The following LINGO2 variants were observed in gnomAD, a reference collection of about 807,000 sequenced individuals.
LINGO2 encodes leucine-rich repeat and immunoglobulin-like domain-containing nogo receptor-interacting protein 2.
Under a neutral mutation model 30.6 loss-of-function variants are expected in LINGO2, and 14 were observed. The observed-to-expected ratio is 0.46, with a 90% CI of 0.30 to 0.72. LINGO2 has a LOEUF of 0.72. Among genes scored for constraint, LINGO2 ranks in the 30% least tolerant of loss-of-function variants. LINGO2 has a pLI of 0.07. For synonymous variants in LINGO2, 317 were observed against 288.5 expected, an observed-to-expected ratio of 1.10 and a Z score of -1.00; for missense variants, 729 against 751.7, an observed-to-expected ratio of 0.97 and a Z score of 0.35.
chr9:29,118,606 G>A, the LINGO2 span, among the ~76,000 whole-genome samples: 1 of 152,134 alleles, frequency 6.6e-6, no homozygotes, highest in African/African-American at 2.4e-5. Context: ...CCAAGGCCTG[G>A]CGGTGGGCTC....
At chr9:28,093,970 A>T (rs1826172951) in intron 4 of LINGO2, among the ~76,000 whole-genome samples, 1 of 152,120 alleles carries the variant, frequency 6.6e-6, no homozygotes, top group African/African-American at 2.4e-5. Context: ...ATTTATTACA[A>T]ATTCTGAATC....
the LINGO2 span, among the ~76,000 whole-genome samples, chr9:29,150,064 T>G: frequency 6.6e-6 from 1 of 152,180 alleles, no homozygotes; most frequent in East Asian, 1.9e-4. Flanking sequence ...ATGAACATTC[T>G]GAAATACAAA....
the LINGO2 span, among the ~76,000 whole-genome samples, chr9:28,965,054 A>C: frequency 6.6e-6 from 1 of 151,948 alleles, no homozygotes; most frequent in Non-Finnish European, 1.5e-5. Context: ...AATAATCCAA[A>C]TAATCTGTCT....
the LINGO2 span, among the ~76,000 whole-genome samples, chr9:29,101,418 T>G: frequency 6.6e-6 from 1 of 152,328 alleles, no homozygotes; most frequent in South Asian, 2.1e-4. Context: ...CAGAGAATTA[T>G]TCAACAAAAT....
At chr9:28,154,725 GT>G in intron 4 of LINGO2, among the ~76,000 whole-genome samples, 1 of 152,236 alleles carries the variant, frequency 6.6e-6, no homozygotes, top group African/African-American at 2.4e-5. Context: ...TTCAATATGT[GT>G]TGCAACTACG....
chr9:29,169,047 A>T, the LINGO2 span, among the ~76,000 whole-genome samples: 1 of 152,140 alleles, frequency 6.6e-6, no homozygotes, highest in African/African-American at 2.4e-5. Flanking sequence ...TCCCAGGTTT[A>T]AGTGATTCTC....
At chr9:29,197,929 T>C in the LINGO2 span, among the ~76,000 whole-genome samples, 2 of 152,132 alleles carry the variant, frequency 1.3e-5, no homozygotes, top group Non-Finnish European at 2.9e-5. Flanking sequence ...TGAAGGAACA[T>C]GAAATAGCTT....
chr9:28,547,807 T>C (rs1171396653), intron 1 of LINGO2, among the ~76,000 whole-genome samples: 1 of 151,918 alleles, frequency 6.6e-6, no homozygotes, highest in Non-Finnish European at 1.5e-5. Context: ...ATATACAGAG[T>C]GAATGGTGAA....
At chr9:28,237,124 G>T (rs911878562) in intron 4 of LINGO2, among the ~76,000 whole-genome samples, 10 of 132,054 alleles carry the variant, frequency 7.6e-5, no homozygotes, top group South Asian at 5.2e-4. Context: ...GTGCGGGGGG[G>T]GGGTAAAGTT....
the LINGO2 span, among the ~76,000 whole-genome samples, chr9:29,079,247 A>G: frequency 3.3e-5 from 5 of 152,004 alleles, no homozygotes; most frequent in African/African-American, 1.2e-4. Context: ...CTTATGGTAT[A>G]TTGAAAATGA....
chr9:28,786,316 G>A, the LINGO2 span, among the ~76,000 whole-genome samples: 1 of 152,100 alleles, frequency 6.6e-6, no homozygotes, highest in South Asian at 2.1e-4. Context: ...ACATTCTGGA[G>A]GCATATGGGA....
intron 1 of LINGO2, among the ~76,000 whole-genome samples, chr9:28,476,452 T>C (rs1489696866): frequency 1.3e-5 from 2 of 152,088 alleles, no homozygotes; most frequent in East Asian, 1.9e-4. Flanking sequence ...ATTTTTTGTA[T>C]TTTTAGTAGA....
the LINGO2 span, among the ~76,000 whole-genome samples, chr9:29,074,559 T>A: frequency 6.6e-6 from 1 of 152,062 alleles, no homozygotes; most frequent in African/African-American, 2.4e-5. Flanking sequence ...CGGATGGAGA[T>A]AATGGCACAT....
At chr9:28,525,552 G>T (rs1587805608) in intron 1 of LINGO2, among the ~76,000 whole-genome samples, 2 of 152,118 alleles carry the variant, frequency 1.3e-5, no homozygotes, top group South Asian at 4.1e-4. Flanking sequence ...CTAAGTAAAA[G>T]AAGCCAGTCA....
At chr9:28,451,461 A>G (rs1824644119) in intron 2 of LINGO2, among the ~76,000 whole-genome samples, 1 of 151,880 alleles carries the variant, frequency 6.6e-6, no homozygotes, top group African/African-American at 2.4e-5. Flanking sequence ...CATAGATTCA[A>G]TAAAACAACT....
chr9:29,065,329 T>C, the LINGO2 span, among the ~76,000 whole-genome samples: 32 of 152,262 alleles, frequency 2.1e-4, no homozygotes, highest in Admixed American at 8.5e-4. Flanking sequence ...GGAGTCTTCA[T>C]CATTGAATCT....
intron 4 of LINGO2, among the ~76,000 whole-genome samples, chr9:28,174,898 C>CTCTGTGTGTG (rs139070322): frequency 9.4e-4 from 133 of 141,108 alleles, no homozygotes; most frequent in African/African-American, 2.9e-3. Flanking sequence ...ATTTGTGTCT[C>CTCTGTGTGTG]TGTGTGTGTG....
intron 5 of LINGO2, among the ~76,000 whole-genome samples, chr9:27,974,783 A>T (rs562771196): frequency 1.3e-5 from 2 of 152,286 alleles, no homozygotes; most frequent in African/African-American, 4.8e-5. Context: ...AAAGAAAAAA[A>T]AGTTTCTTGC....
the LINGO2 span, among the ~76,000 whole-genome samples, chr9:28,979,683 T>C: frequency 4.0e-5 from 6 of 151,554 alleles, no homozygotes; most frequent in Non-Finnish European, 8.8e-5. Flanking sequence ...AAATGAAAAA[T>C]CTATACATTG....
Sources: gnomAD v4.1 joint callset for allele counts (sites outside exome capture counted in the v4.1 genomes callset) on GRCh38, gnomAD v4.1.1 for gene constraint, MANE v1.5 for transcripts, NCBI Gene and HGNC (gene_info 2026-07-23, HGNC 2026-07-21) for gene names.